GRIA3: variants seen among roughly 807,000 people sequenced by gnomAD.
GRIA3 encodes the protein glutamate receptor 3.
In GRIA3, 3 loss-of-function variants were observed where a neutral mutation model predicts 63.0. The ratio of observed to expected loss-of-function variants is 0.05; its 90% confidence interval spans 0.02 to 0.12. The LOEUF is 0.12. GRIA3 is among the 10% of genes least tolerant of loss of function. The pLI, the probability that GRIA3 is intolerant of heterozygous loss-of-function variation, is 1.00. For synonymous variants in GRIA3, 274 were observed against 257.9 expected (o/e 1.06, Z -0.60); for missense variants, 347 against 700.9 (o/e 0.50, Z 5.70).
intron 14 of GRIA3, among the ~76,000 whole-genome samples, chrX:123,480,899 G>GC (rs754205448): frequency 9.0e-6 from 1 of 111,134 alleles, no homozygotes; most frequent in East Asian, 2.8e-4. Flanking sequence ...CCTCCTTCCT[G>GC]CCCCCCTTCG....
chrX:123,478,456 G>A (rs966253378), intron 13 of GRIA3, among the ~76,000 whole-genome samples: 1 of 111,773 alleles, frequency 8.9e-6, no homozygotes, highest in South Asian at 3.7e-4. Context: ...CTGGCTGCCA[G>A]GTCCTACGCT....
At chrX:123,279,539 C>T (rs1231253974) in intron 3 of GRIA3, among the ~76,000 whole-genome samples, 2 of 111,460 alleles carry the variant, frequency 1.8e-5, no homozygotes, top group Non-Finnish European at 3.8e-5. Flanking sequence ...CAAGTTTGGA[C>T]GTTGGTTCAA....
At chrX:123,226,588 C>T (rs1384976802) in intron 2 of GRIA3, among the ~76,000 whole-genome samples, 1 of 111,216 alleles carries the variant, frequency 9.0e-6, no homozygotes, top group Non-Finnish European at 1.9e-5. Flanking sequence ...GATGAGCTGA[C>T]CAAACATGCC....
At chrX:123,446,026 T>C (rs748764190) in intron 12 of GRIA3, among the ~76,000 whole-genome samples, 1 of 111,877 alleles carries the variant, frequency 8.9e-6, no homozygotes, top group African/African-American at 3.2e-5. Context: ...TACTTGCCTA[T>C]GTTGAGCCAA....
chrX:123,384,041 C>G (rs919815700), intron 5 of GRIA3, among the ~76,000 whole-genome samples: 1 of 112,066 alleles, frequency 8.9e-6, no homozygotes, highest in Non-Finnish European at 1.9e-5. Context: ...ACATAATCTT[C>G]ATGTTATCAC....
chrX:123,260,413 AC>A (rs1378336507), intron 3 of GRIA3, among the ~76,000 whole-genome samples: 6 of 8,128 alleles, frequency 7.4e-4, no homozygotes, highest in African/African-American at 2.3e-3. Context: ...AGACAGACAG[AC>A]AGACAGACAG....
intron 13 of GRIA3, among the ~76,000 whole-genome samples, chrX:123,469,104 G>A (rs1030300510): frequency 4.5e-5 from 5 of 112,220 alleles, no homozygotes; most frequent in South Asian, 3.7e-4. Flanking sequence ...TAATCACAAC[G>A]CCTGACATTT....
At chrX:123,323,832 G>A (rs1420564907) in intron 3 of GRIA3, among the ~76,000 whole-genome samples, 2 of 112,062 alleles carry the variant, frequency 1.8e-5, no homozygotes, top group African/African-American at 6.5e-5. Flanking sequence ...GAACTGACAC[G>A]TTTTAGTTGA....
At chrX:123,275,300 A>G (rs1356724699) in intron 3 of GRIA3, among the ~76,000 whole-genome samples, 21 of 112,085 alleles carry the variant, frequency 1.9e-4, no homozygotes, top group Non-Finnish European at 1.9e-5. Context: ...TCCACATTTT[A>G]TGGGACACAG....
intron 3 of GRIA3, among the ~76,000 whole-genome samples, chrX:123,306,844 A>G (rs1484056804): frequency 8.9e-6 from 1 of 111,859 alleles, no homozygotes; most frequent in Non-Finnish European, 1.9e-5. Context: ...CTGGGGCACA[A>G]GCTGATCACA....
intron 5 of GRIA3, among the ~76,000 whole-genome samples, chrX:123,356,136 G>C (rs2045132038): frequency 8.9e-6 from 1 of 111,788 alleles, no homozygotes; most frequent in Non-Finnish European, 1.9e-5. Context: ...CTTTTTTAAT[G>C]CAATGGAGGT....
In GRIA3 at chrX:123,450,168, T is replaced by C. The variant is rs113663462; in HGVS notation, c.2077-14697T>C. 7.0e-3 allele frequency among the ~76,000 whole-genome samples: 783 copies of C among 112,293 alleles called. 7 individuals are homozygous for C. Among genetic ancestry groups the C allele is most frequent in the African/African-American group, 0.024 (747 of 30,955 alleles). On this transcript the variant is annotated intron_variant, in intron 12 of 15. Coordinates refer to ENST00000620443, the MANE Select transcript of GRIA3 (RefSeq NM_007325.5). Reference sequence around the variant, plus strand: ...AGAGTCTTAGAGAAATTTAAGTAACTTGACCAAGTCAAACAGAAGGCATGA... The same window carrying C: ...AGAGTCTTAGAGAAATTTAAGTAACCTGACCAAGTCAAACAGAAGGCATGA...
chrX:123,310,333 T>C (rs1034308593), intron 3 of GRIA3, among the ~76,000 whole-genome samples: 4 of 112,790 alleles, frequency 3.5e-5, no homozygotes, highest in Admixed American at 9.3e-5. Flanking sequence ...GCAAATATTA[T>C]AGTTAGCTCA....
chrX:123,384,114 CT>C (rs1386213705), intron 5 of GRIA3, among the ~76,000 whole-genome samples: 1 of 111,596 alleles, frequency 9.0e-6, no homozygotes, highest in Non-Finnish European at 1.9e-5. Context: ...ATTGATGGGC[CT>C]TTAGGTTGAT....
intron 3 of GRIA3, among the ~76,000 whole-genome samples, chrX:123,264,674 AG>A (rs1004137809): frequency 8.9e-6 from 1 of 112,070 alleles, no homozygotes; most frequent in African/African-American, 3.2e-5. Flanking sequence ...AGCCACTTTA[AG>A]GAAGACTAGA....
chrX:123,284,003 G>C (rs986874174), intron 3 of GRIA3, among the ~76,000 whole-genome samples: 9 of 112,726 alleles, frequency 8.0e-5, no homozygotes, highest in African/African-American at 2.9e-4. Flanking sequence ...GAGAGCTCCA[G>C]CTGGCATCTG....
At chrX:123,313,464 A>T (rs983520208) in intron 3 of GRIA3, among the ~76,000 whole-genome samples, 9 of 111,062 alleles carry the variant, frequency 8.1e-5, no homozygotes, top group African/African-American at 3.0e-4. Context: ...GCACTCCTGG[A>T]GGCACAGCAG....
intron 3 of GRIA3, among the ~76,000 whole-genome samples, chrX:123,277,298 T>C (rs1387061233): frequency 9.0e-6 from 1 of 111,644 alleles, no homozygotes; most frequent in African/African-American, 3.2e-5. Flanking sequence ...TTTTAAAATA[T>C]ACAATTAAGT....
At chrX:123,271,417 T>A (rs962715995) in intron 3 of GRIA3, among the ~76,000 whole-genome samples, 4 of 112,101 alleles carry the variant, frequency 3.6e-5, no homozygotes, top group Non-Finnish European at 5.6e-5. Flanking sequence ...AAAATCTATA[T>A]TTTTAGAGAG....
Sources: gnomAD v4.1 joint callset for allele counts (sites outside exome capture counted in the v4.1 genomes callset) on GRCh38, gnomAD v4.1.1 for gene constraint, MANE v1.5 for transcripts, NCBI Gene and HGNC (gene_info 2026-07-23, HGNC 2026-07-21) for gene names.